KLF15: variants seen among roughly 807,000 people sequenced by gnomAD.
KLF15 encodes the protein KLF transcription factor 15, also known as Krueppel-like factor 15.
In KLF15, 4 loss-of-function variants were observed where a neutral mutation model predicts 24.6. The ratio of observed to expected loss-of-function variants is 0.16; its 90% CI spans 0.08 to 0.37. The LOEUF (loss-of-function observed/expected upper bound fraction) is 0.37. Ranked by LOEUF, KLF15 falls within the 10% of genes least tolerant of loss-of-function variation. The pLI is 1.00. For synonymous variants in KLF15, 246 were observed against 236.3 expected (o/e 1.04, Z -0.37); for missense variants, 496 against 560.6 (o/e 0.88, Z 1.16).
At chr3:126,295,970 T>C in the KLF15 span, among the ~76,000 whole-genome samples, 4 of 152,220 alleles carry the variant, frequency 2.6e-5, no homozygotes, top group African/African-American at 9.6e-5. Context: ...CCGACTTGTC[T>C]GTGGTATATT....
chr3:126,338,954 G>T (rs7623133), downstream of KLF15, among the ~76,000 whole-genome samples: 105,048 of 152,132 alleles, frequency 0.69, 36,685 homozygotes, highest in African/African-American at 0.8. Flanking sequence ...GGAACGTCCC[G>T]GCTGGGTTCT....
downstream of KLF15, among the ~76,000 whole-genome samples, chr3:126,338,997 T>C (rs1287986029): frequency 6.6e-6 from 1 of 152,142 alleles, no homozygotes; most frequent in Non-Finnish European, 1.5e-5. Context: ...GCGATCTCTA[T>C]CAGTGCTGGG....
chr3:126,302,481 G>A, the KLF15 span, among the ~76,000 whole-genome samples: 2 of 152,136 alleles, frequency 1.3e-5, no homozygotes, highest in Non-Finnish European at 2.9e-5. Context: ...TGAGGTCAGA[G>A]TATTTAAATA....
chr3:126,352,391 G>A lies in KLF15; in HGVS notation c.532C>T (p.His178Tyr). Residue 178 changes from histidine to tyrosine, a missense_variant, in exon 2 of 3, where the codon CAC becomes TAC. By Grantham distance (83) the His-to-Tyr change is moderately conservative. This residue lies in a region of KLF15 where 399 missense variants were observed against 423.1 expected (regional missense o/e 0.94). Transcript: ENST00000296233. Reference sequence around the variant, plus strand: ...GACCCAGGATGGAGGTGGCTCTTGTGTGGCCCAGCTGAGAGCTGGCTGCAG... The same window carrying A: ...GACCCAGGATGGAGGTGGCTCTTGTATGGCCCAGCTGAGAGCTGGCTGCAG... Reference protein sequence around the residue: ...DACSQLSAGPHKSHLHPGSSG... With the variant: ...DACSQLSAGPYKSHLHPGSSG... The A allele has an allele frequency of 6.2e-7, 1 of 1,612,858 alleles. No homozygotes were observed. Among genetic ancestry groups the A allele is most frequent in the African/African-American group, 1.3e-5 (1 of 75,008 alleles).
Position 126,356,323 on chromosome 3 carries a change from C to T in KLF15, c.-26+914G>A, listed in dbSNP as rs2082632238. Among the ~76,000 whole-genome samples the T allele has an allele frequency of 6.7e-6, 1 of 150,130 alleles. No homozygotes were observed. The highest frequency in any genetic ancestry group is 1.5e-5 in the Non-Finnish European group (1 of 67,984). On this transcript the variant is annotated intron_variant, in intron 1 of 2. Coordinates refer to ENST00000296233, the MANE Select transcript of KLF15 (RefSeq NM_014079.4). The surrounding 1 kb of genome is among the most constrained non-coding windows in gnomAD (Gnocchi z 4.4). The stretch of plus-strand genomic sequence containing the variant: ...CAGGGGGAAGGAGATTTGAGGCTCT[C>T]AAACAATTGTTGATTTTGTCACCTC...
the KLF15 span, among the ~76,000 whole-genome samples, chr3:126,306,569 A>G: frequency 4.6e-5 from 7 of 152,254 alleles, no homozygotes; most frequent in African/African-American, 1.7e-4. Flanking sequence ...TGTCTTTAAC[A>G]TACACATGCA....
the KLF15 span, among the ~76,000 whole-genome samples, chr3:126,293,620 C>G: frequency 6.6e-6 from 1 of 152,134 alleles, no homozygotes; most frequent in Non-Finnish European, 1.5e-5. Flanking sequence ...TCAGGTAGCC[C>G]CTTCCATGCC....
At chr3:126,305,156 A>C in the KLF15 span, among the ~76,000 whole-genome samples, 4 of 152,226 alleles carry the variant, frequency 2.6e-5, no homozygotes, top group African/African-American at 9.6e-5. Context: ...TGAAAGCTAC[A>C]TATTGAATCT....
intron 2 of KLF15, among the ~76,000 whole-genome samples, chr3:126,345,231 C>A (rs1360782806): frequency 1.3e-5 from 2 of 152,206 alleles, no homozygotes; most frequent in Non-Finnish European, 2.9e-5. Context: ...TCTCTCTCCT[C>A]ATTCTTGCTG....
the KLF15 span, among the ~76,000 whole-genome samples, chr3:126,326,290 G>C: frequency 6.9e-6 from 1 of 145,072 alleles, no homozygotes; most frequent in South Asian, 2.3e-4. Context: ...ACTTGGCAAT[G>C]CGGGCTCTTT....
the KLF15 span, among the ~76,000 whole-genome samples, chr3:126,327,276 G>A: frequency 2.4e-4 from 36 of 152,266 alleles, no homozygotes; most frequent in East Asian, 4.1e-3. Flanking sequence ...GGTGGGAAGC[G>A]TGGGGCAGAC....
chr3:126,319,860 G>C, the KLF15 span, among the ~76,000 whole-genome samples: 1 of 152,198 alleles, frequency 6.6e-6, no homozygotes, highest in African/African-American at 2.4e-5. Flanking sequence ...TGCAGGGGAG[G>C]GGGAACTGGA....
the KLF15 span, among the ~76,000 whole-genome samples, chr3:126,326,815 T>C: frequency 6.6e-6 from 1 of 152,220 alleles, no homozygotes; most frequent in South Asian, 2.1e-4. Flanking sequence ...AGTTTAATTT[T>C]AAATTATTTT....
At chr3:126,289,661 G>C in the KLF15 span, among the ~76,000 whole-genome samples, 3 of 152,098 alleles carry the variant, frequency 2.0e-5, no homozygotes, top group African/African-American at 7.2e-5. Context: ...TTTATTTATC[G>C]TAAGCATAGG....
chr3:126,307,263 G>C, the KLF15 span, among the ~76,000 whole-genome samples: 2 of 152,068 alleles, frequency 1.3e-5, no homozygotes, highest in African/African-American at 4.8e-5. Context: ...CTGGGTCACC[G>C]GGCTCCTCCA....
the KLF15 span, among the ~76,000 whole-genome samples, chr3:126,312,022 T>A: frequency 6.6e-6 from 1 of 152,202 alleles, no homozygotes; most frequent in Non-Finnish European, 1.5e-5. Flanking sequence ...CTGGCTGATT[T>A]GGCTGACCAG....
chr3:126,330,026 GTTCTGCCCAGTGGGT>G, the KLF15 span, among the ~76,000 whole-genome samples: 1,376 of 152,246 alleles, frequency 9.0e-3, 20 homozygotes, highest in African/African-American at 0.031. Context: ...CGTATGACTT[GTTCTGCCCAGTGGGT>G]CAGAGCAGAC....
At chr3:126,348,991 C>T (rs993402032) in intron 2 of KLF15, among the ~76,000 whole-genome samples, 2 of 152,174 alleles carry the variant, frequency 1.3e-5, no homozygotes, top group African/African-American at 2.4e-5. Context: ...AATACGCCAT[C>T]TCACCATCAT....
the KLF15 span, among the ~76,000 whole-genome samples, chr3:126,334,024 G>T: frequency 6.6e-6 from 1 of 152,082 alleles, no homozygotes; most frequent in Non-Finnish European, 1.5e-5. Context: ...GAGACAGAAA[G>T]TCAACAGGGA....
Sources: allele counts gnomAD v4.1 joint callset (sites outside exome capture counted in the v4.1 genomes callset), GRCh38; gene constraint gnomAD v4.1.1; regional missense constraint gnomAD v4.1.1; non-coding constraint Gnocchi (gnomAD v3.1); transcripts MANE v1.5; gene names NCBI Gene and HGNC (gene_info 2026-07-23, HGNC 2026-07-21).